Variants in NFE2 observed in about 807,000 individuals in gnomAD.
NFE2 encodes the protein transcription factor NF-E2 45 kDa subunit.
A neutral mutation model predicts 25.8 loss-of-function variants in NFE2; 13 were observed. That is an observed-to-expected ratio of 0.50 (90% CI 0.33 to 0.80). The LOEUF (loss-of-function observed/expected upper bound fraction) is 0.80. NFE2 is among the 30% of genes least tolerant of loss of function. The pLI is 0.02. For missense variants in NFE2, 382 were observed against 478.9 expected (o/e 0.80, Z 1.89); for synonymous variants, 204 against 200.2 (o/e 1.02, Z -0.16).
At chr12:54,298,110 A>G (rs1156679530) in intron 1 of NFE2, among the ~76,000 whole-genome samples, 4 of 151,960 alleles carry the variant, frequency 2.6e-5, no homozygotes, top group African/African-American at 7.3e-5. Context: ...ACTCACCCCA[A>G]TCCCCCCATT....
intron 1 of NFE2, among the ~76,000 whole-genome samples, 154 bp downstream of exon 1, chr12:54,300,647 C>A (rs1944414998): frequency 6.6e-6 from 1 of 152,158 alleles, no homozygotes; most frequent in Non-Finnish European, 1.5e-5. Context: ...CCAAATATGT[C>A]AGATTCCTAA....
chr12:54,299,338 A>T (rs1218872323), intron 1 of NFE2, among the ~76,000 whole-genome samples: 1 of 152,146 alleles, frequency 6.6e-6, no homozygotes, highest in Non-Finnish European at 1.5e-5. Flanking sequence ...CAAATAGAAC[A>T]CCATAGAGGG....
At chr12:54,299,872 T>C (rs1944407266) in intron 1 of NFE2, among the ~76,000 whole-genome samples, 2 of 151,938 alleles carry the variant, frequency 1.3e-5, no homozygotes, top group Non-Finnish European at 2.9e-5. Context: ...GGGTATTGGT[T>C]AACCGGTAAG....
At chr12:54,299,314 A>T (rs1411809644) in intron 1 of NFE2, among the ~76,000 whole-genome samples, 6 of 152,232 alleles carry the variant, frequency 3.9e-5, no homozygotes, top group Non-Finnish European at 8.8e-5. Context: ...TCAGGGAGAT[A>T]GATAGAATTG....
Position 54,292,122 on chromosome 12 carries a change from C to T in NFE2, c.*252G>A. ...ACAGTGAAAAGCCATTTCTGTAGCG[C>T]ACTTTATAGACCAAAGCTTAGACAA... On this transcript the variant is annotated 3_prime_UTR_variant, in exon 3 of 3. Coordinates refer to ENST00000435572, the MANE Select transcript of NFE2 (RefSeq NM_001136023.3). 2.0e-6 allele frequency: 1 copy of T among 509,212 alleles called. No homozygotes were observed. The highest frequency in any genetic ancestry group is 5.2e-4 in the Middle Eastern group (1 of 1,926). 31.5% of individuals were successfully genotyped at this position (509,212 alleles called of 1,614,324 possible).
chr12:54,297,712 G>T (rs952585903), intron 1 of NFE2: 6 of 149,356 alleles, frequency 4.0e-5, no homozygotes, highest in African/African-American at 1.5e-4. Context: ...GAAAAAGAAG[G>T]ACAGAGGATA....
At position 54,293,327 on chromosome 12, in the gene NFE2, G is replaced by A. The variant is rs1404446475; in HGVS notation, c.169C>T (p.Leu57Phe). 5 of 1,588,998 alleles carry A rather than the reference G, an allele frequency of 3.1e-6. No homozygotes were observed. The highest frequency in any genetic ancestry group is 1.7e-4 in the Middle Eastern group (1 of 5,958). Residue 57 changes from leucine (L) to phenylalanine (F), a missense_variant, in exon 3 of 3, where the codon CTT becomes TTT. By Grantham distance (22) the Leu-to-Phe change is conservative. Transcript: ENST00000435572. Reference sequence around the variant, plus strand: ...TAAGTTGTGGGTGGTGGAGGTCCAAGGTATGGAGCTGGGGCTTGGGGCTCA... The same window carrying A: ...TAAGTTGTGGGTGGTGGAGGTCCAAAGTATGGAGCTGGGGCTTGGGGCTCA... ...SFEPQAPAPY[L>F]GPPPPTTYCP... is the part of the protein sequence containing the mutation.
intron 1 of NFE2, among the ~76,000 whole-genome samples, chr12:54,296,961 G>A (rs147957677): frequency 2.9e-4 from 44 of 152,044 alleles, no homozygotes; most frequent in African/African-American, 8.9e-4. Flanking sequence ...TTTCCCTGCC[G>A]TCAGCAAGAG....
intron 2 of NFE2, among the ~76,000 whole-genome samples, chr12:54,294,237 C>CAAAAAAAAAAAAAAAAAAAAAAAA (rs1425826902): frequency 1.3e-5 from 1 of 79,524 alleles, no homozygotes; most frequent in African/African-American, 4.5e-5. Flanking sequence ...GACACCGTCT[C>CAAAAAAAAAAAAAAAAAAAAAAAA]AAAAAAAAAA....
In NFE2 at chr12:54,292,329, G is replaced by A. The variant is rs746550095; in HGVS notation, c.*45C>T. ...GGTTGGGGAGTACCTTTATCAGAAG[G>A]GAATGAAGGAAATCCCATCAGCAGT... is the stretch of plus-strand genomic sequence containing the variant. On this transcript the variant is annotated 3_prime_UTR_variant, in exon 3 of 3. Transcript: ENST00000435572. The A allele has an allele frequency of 6.3e-7, 1 of 1,580,708 alleles. No homozygotes were observed. The highest frequency in any genetic ancestry group is 8.6e-7 in the Non-Finnish European group (1 of 1,156,962).
chr12:54,292,807 G>A lies in NFE2; in HGVS notation c.689C>T (p.Ala230Val), dbSNP rs746167384. 8.1e-6 allele frequency: 13 copies of A among 1,614,076 alleles called. No homozygotes were observed. Among genetic ancestry groups the A allele is most frequent in the Admixed American group, 1.7e-5 (1 of 60,002 alleles). Reference sequence around the variant, plus strand: ...AGGAAAAGGAATCTTCATGGCCAAGGCCCGACGTTCATCCCGACTCCCTGC... The same window carrying A: ...AGGAAAAGGAATCTTCATGGCCAAGACCCGACGTTCATCCCGACTCCCTGC... ...GEAGSRDERR[A>V]LAMKIPFPTD... The change falls in exon 3 of 3, where the codon GCC becomes GTC. Residue 230 changes from alanine (A) to valine (V), a missense_variant. Ala to Val is a moderately conservative substitution (Grantham distance 64). Coordinates refer to ENST00000435572, the MANE Select transcript of NFE2 (RefSeq NM_001136023.3).
At chr12:54,295,382 C>G in intron 1 of NFE2, 78 bp from the exon 2 acceptor site, 1 of 636,804 alleles carries the variant, frequency 1.6e-6, no homozygotes, top group Non-Finnish European at 2.8e-6. Context: ...GGAGGGGCTC[C>G]CTCCAGCTTC....
chr12:54,296,733 G>A (rs1222462712), intron 1 of NFE2, among the ~76,000 whole-genome samples: 1 of 152,144 alleles, frequency 6.6e-6, no homozygotes, highest in Non-Finnish European at 1.5e-5. Flanking sequence ...CTGCCACAAA[G>A]CAGCAGTGTG....
intron 1 of NFE2, among the ~76,000 whole-genome samples, chr12:54,299,854 A>G (rs1448784605): frequency 6.6e-6 from 1 of 152,114 alleles, no homozygotes; most frequent in Non-Finnish European, 1.5e-5. Flanking sequence ...AGGGATTAGT[A>G]AAACTTGGGG....
intron 1 of NFE2, chr12:54,300,409 C>G (rs934985768): frequency 6.6e-6 from 1 of 152,344 alleles, no homozygotes; most frequent in Non-Finnish European, 1.5e-5. Context: ...TTCCCTAAAC[C>G]TTCTCAGCTG....
rs1188768718 is a variant in NFE2, at chr12:54,296,927, G to A, written c.-56-1623C>T. Among the ~76,000 whole-genome samples the A allele has an allele frequency of 2.4e-4, 37 of 152,016 alleles. 1 individual carries two copies. The highest frequency in any genetic ancestry group is 2.4e-3 in the Admixed American group (37 of 15,256). ...TCCTCATGCTACCTCCCTATTCCCT[G>A]ACACCCACCTTCCTTGCATCTGTTT... On this transcript the variant is annotated intron_variant, in intron 1 of 2. Coordinates refer to ENST00000435572, the MANE Select transcript of NFE2 (RefSeq NM_001136023.3).
Position 54,292,170 on chromosome 12 carries a change from A to T in NFE2, c.*204T>A. 1.7e-6 allele frequency: 1 copy of T among 590,286 alleles called. No individual in the cohort carries two copies. The highest frequency in any genetic ancestry group is 3.0e-6 in the Non-Finnish European group (1 of 336,028). The allele number at this position is 590,286 out of a possible 1,614,324, so 36.6% of individuals were successfully genotyped here. ...CAAGGTGGAGGCTAAAGACCTGAGG[A>T]GCCGAGTCAGGGAAGACAGATTCCA... On this transcript the variant is annotated 3_prime_UTR_variant, in exon 3 of 3. Coordinates refer to ENST00000435572, the MANE Select transcript of NFE2 (RefSeq NM_001136023.3).
intron 1 of NFE2, among the ~76,000 whole-genome samples, chr12:54,296,218 C>A (rs1185290877): frequency 1.4e-4 from 22 of 151,924 alleles, no homozygotes. Context: ...ACCAGCCTGG[C>A]CAACATGGAA....
chr12:54,299,956 A>G (rs946414049), intron 1 of NFE2, among the ~76,000 whole-genome samples: 2 of 152,060 alleles, frequency 1.3e-5, no homozygotes, highest in Non-Finnish European at 2.9e-5. Context: ...AATGAAGGGG[A>G]AAAAAAGGAG....
Sources: allele counts gnomAD v4.1 joint callset (sites outside exome capture counted in the v4.1 genomes callset), GRCh38; gene constraint gnomAD v4.1.1; transcripts MANE v1.5; gene names NCBI Gene and HGNC (gene_info 2026-07-23, HGNC 2026-07-21).